Variants in DLGAP2 observed in about 807,000 individuals in gnomAD.
DLGAP2 encodes the protein DLG associated protein 2, also known as disks large-associated protein 2.
DLGAP2 carries 26 observed loss-of-function variants against 100.3 expected under a neutral mutation model. That is an observed-to-expected ratio of 0.26 (90% CI 0.19 to 0.36). The LOEUF (loss-of-function observed/expected upper bound fraction) is 0.36, where lower values mean the gene tolerates loss of function less well. DLGAP2 is among the 10% of genes least tolerant of loss of function. DLGAP2 has a pLI of 1.00. For synonymous variants in DLGAP2, 886 were observed against 630.1 expected, an observed-to-expected ratio of 1.41 and a Z score of -6.08; for missense variants, 1,858 against 1,453.2, an observed-to-expected ratio of 1.28 and a Z score of -4.53.
At chr8:1,547,630 T>C (rs1392927495) in intron 4 of DLGAP2, among the ~76,000 whole-genome samples, 1 of 152,146 alleles carries the variant, frequency 6.6e-6, no homozygotes, top group East Asian at 1.9e-4. Flanking sequence ...CCCAGCCGCC[T>C]TCCCAGGGAG....
At chr8:1,512,892 C>T (rs542904597) in intron 4 of DLGAP2, among the ~76,000 whole-genome samples, 11 of 152,284 alleles carry the variant, frequency 7.2e-5, no homozygotes, top group Admixed American at 5.2e-4. Flanking sequence ...GGGTCATGGT[C>T]GCACCGCCAC....
chr8:1,529,014 T>G (rs776219963), intron 4 of DLGAP2, among the ~76,000 whole-genome samples: 5 of 152,236 alleles, frequency 3.3e-5, no homozygotes, highest in Non-Finnish European at 7.3e-5. Context: ...AAAATTATAG[T>G]GGCTAAAAAT....
intron 2 of DLGAP2, among the ~76,000 whole-genome samples, chr8:1,143,109 G>A (rs778617371): frequency 6.6e-6 from 1 of 152,172 alleles, no homozygotes; most frequent in African/African-American, 2.4e-5. Context: ...TTAGCGCAGC[G>A]GCCACCCTCC....
At chr8:1,269,389 A>C (rs887621911) in intron 3 of DLGAP2, among the ~76,000 whole-genome samples, 10 of 152,196 alleles carry the variant, frequency 6.6e-5, no homozygotes, top group Non-Finnish European at 1.0e-4. Flanking sequence ...CTGTGGCTTC[A>C]CACAGCAGTT....
At chr8:1,456,279 C>G (rs548914214) in intron 3 of DLGAP2, among the ~76,000 whole-genome samples, 4 of 152,182 alleles carry the variant, frequency 2.6e-5, no homozygotes, top group Admixed American at 6.5e-5. Context: ...TTGTGGGTTA[C>G]AGAATGTTTC....
intron 5 of DLGAP2, among the ~76,000 whole-genome samples, chr8:1,556,041 TAA>T (rs1437760910): frequency 2.0e-5 from 3 of 152,224 alleles, no homozygotes; most frequent in African/African-American, 7.2e-5. Flanking sequence ...GGCCTACATG[TAA>T]CTCAAGATGG....
At chr8:983,613 A>C (rs1800404641) in intron 2 of DLGAP2, among the ~76,000 whole-genome samples, 1 of 152,206 alleles carries the variant, frequency 6.6e-6, no homozygotes, top group African/African-American at 2.4e-5. Flanking sequence ...TCTGAAGATA[A>C]AAAGAGGTAG....
intron 1 of DLGAP2, among the ~76,000 whole-genome samples, chr8:779,912 A>T (rs947405167): frequency 6.6e-6 from 1 of 152,212 alleles, no homozygotes; most frequent in Non-Finnish European, 1.5e-5. Flanking sequence ...TATGGAGTAC[A>T]GTGTGATGTT....
chr8:856,509 A>G (rs1472606350), intron 1 of DLGAP2, among the ~76,000 whole-genome samples: 2 of 152,186 alleles, frequency 1.3e-5, no homozygotes, highest in Non-Finnish European at 2.9e-5. Context: ...TTCTGAAACT[A>G]ATAAACAGTT....
rs140743399 is a variant in DLGAP2 at position 1,386,756 on chromosome 8, C to T, written c.107-114610C>T. On this transcript the variant is annotated intron_variant, in intron 3 of 14. Transcript: ENST00000637795. ...ATGGGGAGGAAAGCCCAGGCCACAC[C>T]AGCATAGAATGCGGCAAGAAGGTGA... is the stretch of plus-strand genomic sequence containing the variant. Among the ~76,000 whole-genome samples, 20 of 152,070 alleles carry T rather than the reference C, an allele frequency of 1.3e-4. 1 individual carries two copies. Among genetic ancestry groups the T allele is most frequent in the African/African-American group, 4.6e-4 (19 of 41,456 alleles).
intron 3 of DLGAP2, among the ~76,000 whole-genome samples, chr8:1,374,128 A>G (rs1317806110): frequency 6.8e-6 from 1 of 147,764 alleles, no homozygotes; most frequent in Non-Finnish European, 1.5e-5. Context: ...AGGTTAGGTT[A>G]GGTTTACAGA....
intron 3 of DLGAP2, chr8:1,299,935 G>A (rs999896348): frequency 6.6e-6 from 1 of 152,178 alleles, no homozygotes; most frequent in Non-Finnish European, 1.5e-5. Context: ...CGTTCTGGAG[G>A]CTGATCAAGG....
chr8:1,652,859 G>T (rs1457352278), intron 8 of DLGAP2, among the ~76,000 whole-genome samples: 1 of 152,108 alleles, frequency 6.6e-6, no homozygotes, highest in African/African-American at 2.4e-5. Context: ...TTGCCTCCTT[G>T]GTCTATGTAT....
At chr8:1,278,381 C>T (rs542512126) in intron 3 of DLGAP2, among the ~76,000 whole-genome samples, 14 of 152,284 alleles carry the variant, frequency 9.2e-5, no homozygotes, top group African/African-American at 3.1e-4. Flanking sequence ...TCGGCGCAGT[C>T]GTGAGCCTGG....
chr8:1,692,411 G>C (rs1430852188), intron 13 of DLGAP2, among the ~76,000 whole-genome samples: 1 of 133,830 alleles, frequency 7.5e-6, no homozygotes, highest in Admixed American at 7.7e-5. Context: ...ACCGAGGCAG[G>C]GAGGCGGATA....
At chr8:1,409,271 T>G (rs1422227899) in intron 3 of DLGAP2, among the ~76,000 whole-genome samples, 4 of 144,518 alleles carry the variant, frequency 2.8e-5, no homozygotes, top group African/African-American at 1.1e-4. Flanking sequence ...CACAGAATTG[T>G]CTAGACCAGC....
At chr8:1,575,397 C>T (rs770955136) in intron 6 of DLGAP2, among the ~76,000 whole-genome samples, 27 of 151,428 alleles carry the variant, frequency 1.8e-4, no homozygotes, top group Non-Finnish European at 2.9e-4. Context: ...GCTGGGGGTG[C>T]GGAAAATGGA....
At chr8:1,595,401 C>G (rs1348376811) in intron 6 of DLGAP2, among the ~76,000 whole-genome samples, 1 of 152,042 alleles carries the variant, frequency 6.6e-6, no homozygotes, top group African/African-American at 2.4e-5. Flanking sequence ...CGGTGGCTCA[C>G]GCCTGTAATC....
intron 1 of DLGAP2, among the ~76,000 whole-genome samples, chr8:788,399 C>A (rs1029705979): frequency 6.6e-6 from 1 of 152,130 alleles, no homozygotes; most frequent in East Asian, 1.9e-4. Context: ...CCTTGGCATC[C>A]GTGTCCACGT....
Sources: allele counts gnomAD v4.1 joint callset (sites outside exome capture counted in the v4.1 genomes callset), GRCh38; gene constraint gnomAD v4.1.1; transcripts MANE v1.5; gene names NCBI Gene and HGNC (gene_info 2026-07-23, HGNC 2026-07-21).